CNIH4: variants seen among roughly 807,000 people sequenced by gnomAD.
CNIH4 encodes the protein protein cornichon homolog 4.
CNIH4 carries 9 observed loss-of-function variants against 21.5 expected under a neutral mutation model. That is an observed-to-expected ratio of 0.42 (90% CI 0.25 to 0.73). The LOEUF is 0.73. Ranked by LOEUF, CNIH4 falls within the 30% of genes least tolerant of loss-of-function variation. CNIH4 has a pLI of 0.27. For missense variants in CNIH4, 159 were observed against 170.0 expected (o/e 0.94, Z 0.36); for synonymous variants, 67 against 59.1 (o/e 1.13, Z -0.61).
In CNIH4 at chr1:224,375,928, TTCC is replaced by T. The variant is rs1672769095; in HGVS notation, c.*109_*111del. 2.1e-6 allele frequency: 3 copies of T among 1,436,094 alleles called. No individual in the cohort carries two copies. Among genetic ancestry groups the T allele is most frequent in the Non-Finnish European group, 1.8e-6 (2 of 1,086,162 alleles). The allele number at this position is 1,436,094 out of a possible 1,614,324, so 89.0% of individuals were successfully genotyped here. ...AACCGTGACCATAGCAGTATATATT[TTCC>T]TCTTGGAACAAAAAACTATTTTTGC... On this transcript the variant is annotated 3_prime_UTR_variant, in exon 5 of 5. Coordinates refer to ENST00000465271, the MANE Select transcript of CNIH4 (RefSeq NM_014184.4).
At chr1:224,362,967 T>C (rs1369604743) in intron 2 of CNIH4, among the ~76,000 whole-genome samples, 1 of 152,222 alleles carries the variant, frequency 6.6e-6, no homozygotes, top group Non-Finnish European at 1.5e-5. Context: ...TTTTCCTTTT[T>C]CTTAGTTTTA....
Position 224,361,451 on chromosome 1 carries a change from G to A in CNIH4, c.138+888G>A, listed in dbSNP as rs73121851. On this transcript the variant is annotated intron_variant, in intron 2 of 4. Transcript: ENST00000465271. ...AATTTTTAAATTTTTTTGTAGACTG[G>A]GTCTTGCTATGTGATCTAGACTGGC... is the stretch of plus-strand genomic sequence containing the variant. Among the ~76,000 whole-genome samples the A allele has an allele frequency of 9.9e-3, 1,497 of 151,494 alleles. 19 individuals carry two copies. The highest frequency in any genetic ancestry group is 0.033 in the African/African-American group (1,381 of 41,306).
At position 224,376,793 on chromosome 1, in the gene CNIH4, T is replaced by G. The variant is rs948341173; in HGVS notation, c.*971T>G. On this transcript the variant is annotated 3_prime_UTR_variant, in exon 5 of 5. Coordinates refer to ENST00000465271, the MANE Select transcript of CNIH4 (RefSeq NM_014184.4). ...CCAAACTCTGTTCCTTGGAGTTATA[T>G]TGTAAACTCTTGCAGGTGGGAGAGC... The G allele has an allele frequency of 8.3e-6, 8 of 961,048 alleles. No homozygotes were observed. Among genetic ancestry groups the G allele is most frequent in the Non-Finnish European group, 1.2e-6 (1 of 807,900 alleles). 59.5% of individuals were successfully genotyped at this position (961,048 alleles called of 1,614,324 possible).
At chr1:224,360,629 A>G in intron 2 of CNIH4, 66 bp downstream of exon 2, 1 of 773,880 alleles carries the variant, frequency 1.3e-6, no homozygotes, top group Non-Finnish European at 2.0e-6. Context: ...TAAGATTATT[A>G]TAGATAACAG....
At chr1:224,366,019 C>T (rs1414052114) in intron 3 of CNIH4, 28 bp downstream of exon 3, 1 of 1,388,364 alleles carries the variant, frequency 7.2e-7, no homozygotes, top group African/African-American at 1.4e-5. Context: ...ACTTTGGTGT[C>T]AAGGTAGTTA....
chr1:224,356,932 C>G lies in CNIH4; in HGVS notation c.8C>G (p.Ala3Gly), dbSNP rs12123896. 1,654 of 1,609,728 alleles carry G rather than the reference C, an allele frequency of 1.0e-3. 2 individuals carry two copies. Among genetic ancestry groups the G allele is most frequent in the Non-Finnish European group, 1.3e-3 (1,475 of 1,178,162 alleles). ...CGGCGACGGAGGAGGAGGATGGAGG[C>G]GGTGGTGTTCGTCTTCTCTCTCCTC... The part of the protein sequence containing the change: ME[A>G]VVFVFSLLDC... The change falls in exon 1 of 5, where the codon GCG becomes GGG. Residue 3 changes from alanine (A) to glycine (G), a missense_variant. Transcript: ENST00000465271.
chr1:224,369,697 A>G (rs1437390371), intron 3 of CNIH4, among the ~76,000 whole-genome samples: 1 of 129,644 alleles, frequency 7.7e-6, no homozygotes, highest in African/African-American at 3.0e-5. Flanking sequence ...TTTTTTTGAG[A>G]CGGAGGTTTG....
At chr1:224,359,430 G>A (rs1672208429) in intron 1 of CNIH4, among the ~76,000 whole-genome samples, 1 of 152,160 alleles carries the variant, frequency 6.6e-6, no homozygotes, top group South Asian at 2.1e-4. Context: ...CTACAAATGA[G>A]TGATTATGAT....
intron 3 of CNIH4, among the ~76,000 whole-genome samples, chr1:224,367,904 T>A (rs1316126102): frequency 6.6e-6 from 1 of 152,224 alleles, no homozygotes; most frequent in East Asian, 1.9e-4. Flanking sequence ...TCTTTGAGAA[T>A]GAGGATCTTA....
rs181527369 is a variant in CNIH4, at chr1:224,376,433, G to T, written c.*611G>T. 3,067 of 985,194 alleles carry T rather than the reference G, an allele frequency of 3.1e-3. 52 individuals are homozygous for T. In the African/African-American group the frequency reaches 0.043, roughly 14 times the overall value. 61.0% of individuals were successfully genotyped at this position (985,194 alleles called of 1,614,324 possible). ...CCCCAGGTACAATGTAGTTCCTGCT[G>T]ATAGAAAGGAAATATTTTGTCAAGA... On this transcript the variant is annotated 3_prime_UTR_variant, in exon 5 of 5. Coordinates refer to ENST00000465271, the MANE Select transcript of CNIH4 (RefSeq NM_014184.4).
intron 1 of CNIH4, among the ~76,000 whole-genome samples, chr1:224,358,629 G>A (rs1672185390): frequency 6.6e-6 from 1 of 152,074 alleles, no homozygotes; most frequent in Non-Finnish European, 1.5e-5. Flanking sequence ...TGTATTTTAT[G>A]TGTGGCCCAA....
intron 2 of CNIH4, chr1:224,364,392 G>T (rs1459955582): frequency 6.1e-6 from 6 of 984,572 alleles, no homozygotes; most frequent in Non-Finnish European, 7.2e-6. Context: ...ACATTTTATT[G>T]AGTGCCTACT....
chr1:224,360,171 C>T (rs936706065), intron 1 of CNIH4, among the ~76,000 whole-genome samples: 11 of 151,348 alleles, frequency 7.3e-5, no homozygotes, highest in Admixed American at 4.0e-4. Context: ...CTGCTTCAGG[C>T]GATCCTCCTG....
Position 224,371,297 on chromosome 1 carries a change from C to G in CNIH4, c.266C>G (p.Pro89Arg). The change falls in exon 4 of 5, where the codon CCG becomes CGG. Residue 89 changes from proline to arginine, a missense_variant. By Grantham distance (103) the Pro-to-Arg change is moderately radical. Transcript: ENST00000465271. The part of the protein sequence containing the change: ...TWNIYRYIMV[P>R]SGNMGVFDPT... ...TAATTTATCAGATACATTATGGTGCCGAGTGGTAACATGGGAGTGTTTGAT... is the reference window on the plus strand; with the variant it reads ...TAATTTATCAGATACATTATGGTGCGGAGTGGTAACATGGGAGTGTTTGAT... 4 of 1,613,518 alleles carry G rather than the reference C, an allele frequency of 2.5e-6. No individual in the cohort carries two copies. Among genetic ancestry groups the G allele is most frequent in the Non-Finnish European group, 3.4e-6 (4 of 1,179,800 alleles).
Position 224,376,183 on chromosome 1 carries a change from C to T in CNIH4, c.*361C>T, listed in dbSNP as rs6689559. 9.9e-7 allele frequency: 1 copy of T among 1,013,470 alleles called. No homozygotes were observed. The highest frequency in any genetic ancestry group is 9.2e-5 in the East Asian group (1 of 10,898). 62.8% of individuals were successfully genotyped at this position (1,013,470 alleles called of 1,614,324 possible). A position where few individuals can be genotyped will look rare whatever the true frequency, so the allele number is the denominator to read the frequency against. ...CTGAAGAGATGAGCGAGCAAAGGTG[C>T]CCTTCAGGTCTACTGAAAAGTTAGA... On this transcript the variant is annotated 3_prime_UTR_variant, in exon 5 of 5. Coordinates refer to ENST00000465271, the MANE Select transcript of CNIH4 (RefSeq NM_014184.4).
chr1:224,379,029 C>G lies in CNIH4; in HGVS notation c.*3207C>G. On this transcript the variant is annotated 3_prime_UTR_variant, in exon 5 of 5. Coordinates refer to ENST00000465271, the MANE Select transcript of CNIH4 (RefSeq NM_014184.4). ...GAGTGCTCCTATGTGCATCTTAGTA[C>G]GTATCATTTTCCCTTGCCTTTTTCC... 6.5e-7 allele frequency: 1 copy of G among 1,547,238 alleles called. No individual in the cohort carries two copies. The highest frequency in any genetic ancestry group is 8.7e-7 in the Non-Finnish European group (1 of 1,143,986).
chr1:224,360,974 C>CTTTA lies in CNIH4; in HGVS notation c.138+430_138+433dup, dbSNP rs377096979. 3.8e-4 allele frequency among the ~76,000 whole-genome samples: 57 copies of CTTTA among 151,770 alleles called. No individual in the cohort carries two copies. The East Asian group carries it at 4.6e-3, about 12-fold the overall frequency. ...AATAATTTTTTTTTAATGTATGACT[C>CTTTA]TTTATTTATTTATTTATTTATTGAG... is the stretch of plus-strand genomic sequence containing the variant. On this transcript the variant is annotated intron_variant, in intron 2 of 4. Coordinates refer to ENST00000465271, the MANE Select transcript of CNIH4 (RefSeq NM_014184.4).
rs1002689284 is a variant in CNIH4, at chr1:224,376,275, A to G, written c.*453A>G. 1.0e-5 allele frequency: 10 copies of G among 986,256 alleles called. No homozygotes were observed. The African/African-American group carries it at 1.6e-4, about 15-fold the overall frequency. The allele number at this position is 986,256 out of a possible 1,614,324, so 61.1% of individuals were successfully genotyped here. On this transcript the variant is annotated 3_prime_UTR_variant, in exon 5 of 5. Transcript: ENST00000465271. ...TACCCTTTTTGCTTGTGTTGTGACA[A>G]CTTCATTTAATATGGTTTAAAGATT...
chr1:224,368,129 G>C (rs765441403), intron 3 of CNIH4, among the ~76,000 whole-genome samples: 1 of 152,168 alleles, frequency 6.6e-6, no homozygotes, highest in Admixed American at 6.5e-5. Context: ...TCAGGAGTTC[G>C]AGACCAGCCC....
Sources: gnomAD v4.1 joint callset for allele counts (sites outside exome capture counted in the v4.1 genomes callset) on GRCh38, gnomAD v4.1.1 for gene constraint, MANE v1.5 for transcripts, NCBI Gene and HGNC (gene_info 2026-07-23, HGNC 2026-07-21) for gene names.